TMEM163: variants seen among roughly 807,000 people sequenced by gnomAD.
TMEM163 encodes transmembrane protein 163.
Under a neutral mutation model 29.3 loss-of-function variants are expected in TMEM163, and 17 were observed. The ratio of observed to expected loss-of-function variants is 0.58; its 90% CI spans 0.40 to 0.87. TMEM163 has a LOEUF of 0.87. Ranked by LOEUF, TMEM163 falls within the 40% of genes least tolerant of loss-of-function variation. The pLI, the probability that TMEM163 is intolerant of heterozygous loss-of-function variation, is 0.00. For missense variants in TMEM163, 303 were observed against 381.5 expected, an observed-to-expected ratio of 0.79 and a Z score of 1.71; for synonymous variants, 157 against 160.6, an observed-to-expected ratio of 0.98 and a Z score of 0.17.
intron 2 of TMEM163, among the ~76,000 whole-genome samples, chr2:134,665,860 A>G (rs1022154352): frequency 6.6e-6 from 1 of 152,188 alleles, no homozygotes; most frequent in Non-Finnish European, 1.5e-5. Context: ...TACTGCATCT[A>G]AGCTCCACCT....
At chr2:134,518,746 C>T (rs1680131360) in intron 4 of TMEM163, among the ~76,000 whole-genome samples, 1 of 152,152 alleles carries the variant, frequency 6.6e-6, no homozygotes, top group Non-Finnish European at 1.5e-5. Flanking sequence ...CCTCAATTGA[C>T]TTTTCCTCTT....
At chr2:134,569,674 A>T (rs1174485645) in intron 2 of TMEM163, among the ~76,000 whole-genome samples, 3 of 152,172 alleles carry the variant, frequency 2.0e-5, no homozygotes, top group Admixed American at 1.3e-4. Flanking sequence ...AGAGACATTC[A>T]TCAACTACCT....
intron 4 of TMEM163, among the ~76,000 whole-genome samples, 166 bp downstream of exon 4, chr2:134,550,404 C>T (rs1389446121): frequency 6.6e-6 from 1 of 152,156 alleles, no homozygotes; most frequent in Non-Finnish European, 1.5e-5. Flanking sequence ...CCCAAGAGGA[C>T]CCTACCACAT....
At position 134,530,384 on chromosome 2, in the gene TMEM163, T is replaced by C. The variant is rs187031660; in HGVS notation, c.458+20186A>G. Among the ~76,000 whole-genome samples the C allele has an allele frequency of 2.6e-5, 4 of 152,308 alleles. 1 individual carries two copies. The highest frequency in any genetic ancestry group is 9.6e-5 in the African/African-American group (4 of 41,570). On this transcript the variant is annotated intron_variant, in intron 4 of 7. Coordinates refer to ENST00000281924, the MANE Select transcript of TMEM163 (RefSeq NM_030923.5). The stretch of plus-strand genomic sequence containing the variant: ...TCAACCTCCTACCCTCAATCAATCC[T>C]TCTACCTCAGCCTCCTGAGTACCTG...
chr2:134,556,949 G>T (rs1681061223), intron 2 of TMEM163, among the ~76,000 whole-genome samples: 1 of 152,240 alleles, frequency 6.6e-6, no homozygotes. Flanking sequence ...GAAAGGATGG[G>T]TCTGGAACAG....
At chr2:134,636,513 C>G (rs1352533579) in intron 2 of TMEM163, among the ~76,000 whole-genome samples, 1 of 152,206 alleles carries the variant, frequency 6.6e-6, no homozygotes, top group African/African-American at 2.4e-5. Context: ...TTGCTTCTAA[C>G]CTCCAAGCTG....
chr2:134,616,190 T>C (rs1456999337), intron 2 of TMEM163, among the ~76,000 whole-genome samples: 2 of 152,196 alleles, frequency 1.3e-5, no homozygotes, highest in African/African-American at 4.8e-5. Flanking sequence ...TTACTGACTT[T>C]CTGGAGGGCC....
chr2:134,507,508 G>A (rs1479006462), intron 4 of TMEM163, among the ~76,000 whole-genome samples: 2 of 152,168 alleles, frequency 1.3e-5, no homozygotes, highest in African/African-American at 4.8e-5. Context: ...CTCTGGGGAC[G>A]TGGCCCCTCA....
intron 1 of TMEM163, among the ~76,000 whole-genome samples, chr2:134,714,895 C>A (rs1034362274): frequency 2.0e-5 from 3 of 152,320 alleles, no homozygotes; most frequent in Admixed American, 2.0e-4. Flanking sequence ...AAAAACCACA[C>A]TATTCCAGTT....
At chr2:134,610,478 G>A (rs1308535361) in intron 2 of TMEM163, among the ~76,000 whole-genome samples, 2 of 152,170 alleles carry the variant, frequency 1.3e-5, no homozygotes, top group Non-Finnish European at 2.9e-5. Flanking sequence ...GGAGGTCTGG[G>A]GACATACAGT....
At chr2:134,480,672 A>G (rs926353517) in intron 5 of TMEM163, among the ~76,000 whole-genome samples, 1 of 152,156 alleles carries the variant, frequency 6.6e-6, no homozygotes, top group African/African-American at 2.4e-5. Context: ...TGGTGCAGAC[A>G]ACTGAAGAAC....
intron 2 of TMEM163, among the ~76,000 whole-genome samples, chr2:134,580,378 G>T (rs1181628420): frequency 6.6e-6 from 1 of 152,182 alleles, no homozygotes; most frequent in Admixed American, 6.5e-5. Context: ...AAGCCCAATT[G>T]TCAAGCCCAA....
intron 2 of TMEM163, among the ~76,000 whole-genome samples, chr2:134,626,033 T>C (rs1682842023): frequency 6.6e-6 from 1 of 151,076 alleles, no homozygotes; most frequent in African/African-American, 2.4e-5. Flanking sequence ...AATCAAGACA[T>C]TGGCAAGGCT....
intron 5 of TMEM163, among the ~76,000 whole-genome samples, chr2:134,471,407 TG>T (rs1686797893): frequency 5.9e-5 from 9 of 152,194 alleles, no homozygotes; most frequent in Admixed American, 5.9e-4. Context: ...AAAGGCCACA[TG>T]AGGACACATG....
intron 4 of TMEM163, among the ~76,000 whole-genome samples, chr2:134,515,799 G>C (rs1410734897): frequency 1.3e-5 from 2 of 152,168 alleles, no homozygotes; most frequent in East Asian, 3.8e-4. Context: ...ACACACTAAA[G>C]TAATAATAGT....
intron 5 of TMEM163, among the ~76,000 whole-genome samples, chr2:134,488,714 C>T (rs1392141719): frequency 6.6e-6 from 1 of 152,044 alleles, no homozygotes; most frequent in Admixed American, 6.6e-5. Context: ...TCTAGAGAAC[C>T]CTGACTAATA....
intron 2 of TMEM163, among the ~76,000 whole-genome samples, chr2:134,642,550 T>C (rs1033147347): frequency 5.9e-5 from 9 of 152,162 alleles, no homozygotes; most frequent in African/African-American, 2.2e-4. Context: ...CTGGAACTAA[T>C]TGAAATTTAC....
intron 2 of TMEM163, among the ~76,000 whole-genome samples, chr2:134,711,808 C>T (rs112190600): frequency 3.9e-5 from 6 of 152,176 alleles, no homozygotes; most frequent in Non-Finnish European, 8.8e-5. Flanking sequence ...CAAACATCCA[C>T]GTGACAAATC....
intron 4 of TMEM163, among the ~76,000 whole-genome samples, chr2:134,523,296 A>C (rs570066929): frequency 6.6e-6 from 1 of 152,188 alleles, no homozygotes; most frequent in African/African-American, 2.4e-5. Context: ...ACACCACAGA[A>C]TAAAAACATC....
Sources: gnomAD v4.1 joint callset for allele counts (sites outside exome capture counted in the v4.1 genomes callset) on GRCh38, gnomAD v4.1.1 for gene constraint, MANE v1.5 for transcripts, NCBI Gene and HGNC (gene_info 2026-07-23, HGNC 2026-07-21) for gene names.